DLX2: variants seen among roughly 807,000 people sequenced by gnomAD.
DLX2 encodes distal-less homeobox 2, also known as homeobox protein DLX-2.
DLX2 carries 8 observed loss-of-function variants against 27.4 expected under a neutral mutation model. That is an observed-to-expected ratio of 0.29 (90% confidence interval 0.17 to 0.53). The LOEUF is 0.53. Among genes scored for constraint, DLX2 ranks in the 20% least tolerant of loss-of-function variants. The pLI is 0.96. For missense variants in DLX2, 421 were observed against 450.9 expected (o/e 0.93, Z 0.60); for synonymous variants, 210 against 200.8 (o/e 1.05, Z -0.39).
rs1453556994 is a variant in DLX2, at chr2:172,102,347, G to A, written c.192C>T (p.Ser64=). The A allele has an allele frequency of 6.3e-7, 1 of 1,588,896 alleles. No homozygotes were observed. Among genetic ancestry groups the A allele is most frequent in the African/African-American group, 1.3e-5 (1 of 74,296 alleles). ...PTLPVSTATD[S]SYYTNQQHPA... ...GGTGCTGCTGGTTGGTGTAGTAGCTGCTGTCGGTGGCGGTGGACACCGGAA... is the reference window on the plus strand; with the variant it reads ...GGTGCTGCTGGTTGGTGTAGTAGCTACTGTCGGTGGCGGTGGACACCGGAA... The change falls in exon 1 of 3, where the codon AGC becomes AGT. Residue 64 remains serine, a synonymous_variant. Transcript: ENST00000234198.
intron 2 of DLX2, 163 bp from the exon 3 acceptor site, chr2:172,101,107 G>T: frequency 2.7e-6 from 2 of 729,748 alleles, no homozygotes; most frequent in Non-Finnish European, 4.4e-6. Context: ...TCGAGGCTCT[G>T]CCGGTTCCTG....
Position 172,100,422 on chromosome 2 carries a change from G to A in DLX2, c.*121C>T, listed in dbSNP as rs1691130762. The A allele has an allele frequency of 8.6e-7, 1 of 1,161,776 alleles. No individual in the cohort carries two copies. Among genetic ancestry groups the A allele is most frequent in the Non-Finnish European group, 1.2e-6 (1 of 855,504 alleles). The allele number at this position is 1,161,776 out of a possible 1,614,324, so 72.0% of individuals were successfully genotyped here. On this transcript the variant is annotated 3_prime_UTR_variant, in exon 3 of 3. Transcript: ENST00000234198. The surrounding 1 kb of genome is among the most constrained non-coding windows in gnomAD (Gnocchi z 4.5). Reference sequence around the variant, plus strand: ...GCAGGGCCTGAGACGGGCCACTGCAGGTCGCAGCCTGCAGGAGAGGTGGGT... The same window carrying A: ...GCAGGGCCTGAGACGGGCCACTGCAAGTCGCAGCCTGCAGGAGAGGTGGGT...
chr2:172,100,915 G>T lies in DLX2; in HGVS notation c.615C>A (p.Ser205=). 1 of 1,612,550 alleles carries T rather than the reference G, an allele frequency of 6.2e-7. No homozygotes were observed. Among genetic ancestry groups the T allele is most frequent in the African/African-American group, 1.3e-5 (1 of 74,928 alleles). The change falls in exon 3 of 3, where the codon TCC becomes TCA. Residue 205 remains serine (S), a synonymous_variant. Transcript: ENST00000234198. This position sits in a 1 kb window ranked among gnomAD's most constrained non-coding sequence, Gnocchi z 4.5. ...QVKIWFQNRR[S]KFKKMWKSGE... ...CACTTTTCCACATCTTCTTGAACTT[G>T]GACCGGCGGTTCTGGAACCAGATTT...
rs774531942 is a variant in DLX2, at chr2:172,101,601, G to A, written c.446C>T (p.Pro149Leu). The A allele has an allele frequency of 7.4e-6, 12 of 1,614,106 alleles. No homozygotes were observed. The Admixed American group carries it at 8.3e-5, about 11-fold the overall frequency. The change falls in exon 2 of 3, where the codon CCA becomes CTA. Residue 149 changes from proline (P) to leucine (L), a missense_variant. By Grantham distance (98) the Pro-to-Leu change is moderately conservative. This residue lies in a region of DLX2 where 141 missense variants were observed against 123.5 expected (regional missense o/e 1.14). Coordinates refer to ENST00000234198, the MANE Select transcript of DLX2 (RefSeq NM_004405.4). ...GGTGCGGGGTTTCCGGACTTTCTTT[G>A]GCTTCCCGTTCACTATCCGAATTTC... ...EPEIRIVNGK[P>L]KKVRKPRTIY...
At position 172,101,751 on chromosome 2, in the gene DLX2, G is replaced by A. The variant is rs558702297; in HGVS notation, c.401-105C>T. Reference sequence around the variant, plus strand: ...GGACTTGGCTTGAGCAAAGAGGTGGGTGCACTGAACTGTGGCGCCACGGGC... The same window carrying A: ...GGACTTGGCTTGAGCAAAGAGGTGGATGCACTGAACTGTGGCGCCACGGGC... On this transcript the variant is annotated intron_variant, in intron 1 of 2. Transcript: ENST00000234198. The A allele has an allele frequency of 1.0e-4, 132 of 1,271,938 alleles. No individual in the cohort carries two copies. The Middle Eastern group carries it at 1.6e-3, about 16-fold the overall frequency. The allele number at this position is 1,271,938 out of a possible 1,614,324, so 78.8% of individuals were successfully genotyped here.
rs1346761551 is a variant in DLX2, at chr2:172,100,172, C to T, written c.*371G>A. 2 of 198,248 alleles carry T rather than the reference C, an allele frequency of 1.0e-5. No individual in the cohort carries two copies. The highest frequency in any genetic ancestry group is 1.1e-4 in the East Asian group (1 of 9,288). 12.3% of individuals were successfully genotyped at this position (198,248 alleles called of 1,614,324 possible). A position where few individuals can be genotyped will look rare whatever the true frequency, so the allele number is the denominator to read the frequency against. Reference sequence around the variant, plus strand: ...AAGCCTCAGAGCGCCCGGGAAGCCTCGCGCGCCTGGGAGGCTTCCATCTCC... The same window carrying T: ...AAGCCTCAGAGCGCCCGGGAAGCCTTGCGCGCCTGGGAGGCTTCCATCTCC... On this transcript the variant is annotated 3_prime_UTR_variant, in exon 3 of 3. Coordinates refer to ENST00000234198, the MANE Select transcript of DLX2 (RefSeq NM_004405.4). This position sits in a 1 kb window ranked among gnomAD's most constrained non-coding sequence, Gnocchi z 4.5.
rs1486955594 is a variant in DLX2, at chr2:172,102,242, G to C, written c.297C>G (p.Asn99Lys). 4 of 1,614,222 alleles carry C rather than the reference G, an allele frequency of 2.5e-6. No individual in the cohort carries two copies. Among genetic ancestry groups the C allele is most frequent in the Non-Finnish European group, 3.4e-6 (4 of 1,180,032 alleles). Residue 99 changes from asparagine (N) to lysine (K), a missense_variant, in exon 1 of 3, where the codon AAC (asparagine) becomes AAG (lysine). Physicochemically the swap from Asn to Lys is moderately conservative, Grantham distance 94. Around this residue, in one of 5 missense-constraint regions of DLX2, gnomAD observed 141 missense variants for 123.5 expected, o/e 1.14. Transcript: ENST00000234198. ...SYQYQASGLNNVPYSAKSSYD... is the reference protein window; with the variant it reads ...SYQYQASGLNKVPYSAKSSYD... ...AGCTGCTCTTGGCGGAGTAAGGGAC[G>C]TTGTTGAGGCCGCTGGCTTGGTACT...
At chr2:172,101,792 G>A (rs1691163403) in intron 1 of DLX2, 146 bp from the exon 2 acceptor site, 1 of 964,608 alleles carries the variant, frequency 1.0e-6, no homozygotes, top group Non-Finnish European at 1.5e-6. Context: ...CAACTTCGCA[G>A]CGTGCGATCG....
chr2:172,101,819 C>G (rs1322608400), intron 1 of DLX2, among the ~76,000 whole-genome samples, 173 bp from the exon 2 acceptor site: 1 of 152,258 alleles, frequency 6.6e-6, no homozygotes, highest in African/African-American at 2.4e-5. Context: ...CCACCGACCC[C>G]GGGAGCTGTA....
chr2:172,101,440 C>T lies in DLX2; in HGVS notation c.585+22G>A, dbSNP rs560721517. On this transcript the variant is annotated intron_variant, in intron 2 of 2. Coordinates refer to ENST00000234198, the MANE Select transcript of DLX2 (RefSeq NM_004405.4). ...CATCTCAGGCCCGCGCTCTCCTCGC[C>T]CCTGCAGGGCGCGAGCCCCACCTGA... is the stretch of plus-strand genomic sequence containing the variant. The T allele has an allele frequency of 6.9e-5, 109 of 1,581,324 alleles. 1 individual carries two copies. In the East Asian group the frequency reaches 2.0e-3, roughly 29 times the overall value.
rs1344285248 is a variant in DLX2 at position 172,100,840 on chromosome 2, A to G, written c.690T>C (p.Cys230=). The G allele has an allele frequency of 6.2e-7, 1 of 1,611,998 alleles. No homozygotes were observed. Among genetic ancestry groups the G allele is most frequent in the East Asian group, 2.2e-5 (1 of 44,750 alleles). The change falls in exon 3 of 3, where the codon TGT becomes TGC. Residue 230 remains cysteine (C), a synonymous_variant. Coordinates refer to ENST00000234198, the MANE Select transcript of DLX2 (RefSeq NM_004405.4). The surrounding 1 kb of genome is among the most constrained non-coding windows in gnomAD (Gnocchi z 4.5). ...QHPGASASPP[C]ASPPVSAPAS... ...CCGGCGCTGAGACTGGCGGCGAAGC[A>G]CAAGGTGGAGAAGCGCTGGCCCCAG... is the stretch of plus-strand genomic sequence containing the variant.
intron 1 of DLX2, among the ~76,000 whole-genome samples, chr2:172,101,889 A>T (rs1691165164): frequency 6.6e-6 from 1 of 152,230 alleles, no homozygotes; most frequent in African/African-American, 2.4e-5. Flanking sequence ...TGGCAAGGAG[A>T]TGCCCTTATG....
Position 172,100,973 on chromosome 2 carries a change from G to T in DLX2, c.586-29C>A. ...TGAGGAAAAAGACCTGAGCATTAGTGGAGGAACCTAGTCTTGGGGCAGTAG... is the reference window on the plus strand; with the variant it reads ...TGAGGAAAAAGACCTGAGCATTAGTTGAGGAACCTAGTCTTGGGGCAGTAG... On this transcript the variant is annotated intron_variant, in intron 2 of 2. Transcript: ENST00000234198. The surrounding 1 kb of genome is among the most constrained non-coding windows in gnomAD (Gnocchi z 4.5). 6.2e-7 allele frequency: 1 copy of T among 1,601,244 alleles called. No individual in the cohort carries two copies. Among genetic ancestry groups the T allele is most frequent in the South Asian group, 1.1e-5 (1 of 89,896 alleles).
At position 172,101,570 on chromosome 2, in the gene DLX2, G is replaced by A; in HGVS notation, c.477C>T (p.Tyr159=). Residue 159 remains tyrosine, a synonymous_variant, in exon 2 of 3, where the codon TAC becomes TAT. Transcript: ENST00000234198. ...GAAGAGCCGCCAGCTGGAAACTGGA[G>A]TAGATGGTGCGGGGTTTCCGGACTT... ...PKKVRKPRTI[Y]SSFQLAALQR... is the part of the protein sequence containing the mutation. 1 of 1,614,246 alleles carries A rather than the reference G, an allele frequency of 6.2e-7. No homozygotes were observed.
At chr2:172,101,342 A>T (rs1691154078) in intron 2 of DLX2, 120 bp downstream of exon 2, 1 of 1,169,838 alleles carries the variant, frequency 8.5e-7, no homozygotes, top group Non-Finnish European at 1.2e-6. Flanking sequence ...CTCGAGGCGC[A>T]GGCCTGGAAA....
At chr2:172,102,019 G>A in intron 1 of DLX2, 120 bp downstream of exon 1, 3 of 1,479,874 alleles carry the variant, frequency 2.0e-6, no homozygotes, top group Non-Finnish European at 2.7e-6. Flanking sequence ...GCACAAGCGG[G>A]CGGTGAGCAG....
chr2:172,100,345 C>G lies in DLX2; in HGVS notation c.*198G>C, dbSNP rs530398472. On this transcript the variant is annotated 3_prime_UTR_variant, in exon 3 of 3. Coordinates refer to ENST00000234198, the MANE Select transcript of DLX2 (RefSeq NM_004405.4). This position sits in a 1 kb window ranked among gnomAD's most constrained non-coding sequence, Gnocchi z 4.5. The stretch of plus-strand genomic sequence containing the variant: ...GCCTTTTAGGGAGGCCTTTGCCAAG[C>G]TGCTGTCCGGTTCCCCCGAGAGAGG... The G allele has an allele frequency of 4.2e-5, 22 of 526,384 alleles. 1 individual carries two copies. In the Admixed American group the frequency reaches 7.1e-4, roughly 17 times the overall value. 32.6% of individuals were successfully genotyped at this position (526,384 alleles called of 1,614,324 possible). A position where few individuals can be genotyped will look rare whatever the true frequency, so the allele number is the denominator to read the frequency against.
rs1487659354 is a variant in DLX2 at position 172,101,240 on chromosome 2, C to A, written c.585+222G>T. The A allele has an allele frequency of 2.2e-5, 14 of 626,254 alleles. 1 individual carries two copies. Among genetic ancestry groups the A allele is most frequent in the Admixed American group, 3.0e-5 (1 of 33,270 alleles). 38.8% of individuals were successfully genotyped at this position (626,254 alleles called of 1,614,324 possible). ...CCCGCTTAATCAGTAGCGAGAGGTA[C>A]GGGATTTCTGTCCACCCGGTCCCTT... On this transcript the variant is annotated intron_variant, in intron 2 of 2. Coordinates refer to ENST00000234198, the MANE Select transcript of DLX2 (RefSeq NM_004405.4).
Position 172,102,126 on chromosome 2 carries a change from G to A in DLX2, c.400+13C>T, listed in dbSNP as rs772462353. Reference sequence around the variant, plus strand: ...GACCGACTCGGCACTCTTGACTTCAGCGTTATGCATACCAGGCTCGTTGTT... The same window carrying A: ...GACCGACTCGGCACTCTTGACTTCAACGTTATGCATACCAGGCTCGTTGTT... On this transcript the variant is annotated intron_variant, in intron 1 of 2. Transcript: ENST00000234198. 1.9e-6 allele frequency: 3 copies of A among 1,610,892 alleles called. No homozygotes were observed. The highest frequency in any genetic ancestry group is 2.5e-6 in the Non-Finnish European group (3 of 1,178,284).
Sources: allele counts gnomAD v4.1 joint callset (sites outside exome capture counted in the v4.1 genomes callset), GRCh38; gene constraint gnomAD v4.1.1; regional missense constraint gnomAD v4.1.1; non-coding constraint Gnocchi (gnomAD v3.1); transcripts MANE v1.5; gene names NCBI Gene and HGNC (gene_info 2026-07-23, HGNC 2026-07-21).